The following WNT2 variants were observed in gnomAD, a reference collection of about 807,000 sequenced individuals.
The protein encoded by WNT2 is protein Wnt-2.
In WNT2, 12 loss-of-function variants were observed where a neutral mutation model predicts 36.9. The ratio of observed to expected loss-of-function variants is 0.33; its 90% CI spans 0.21 to 0.53. WNT2 has a LOEUF of 0.53. Ranked by LOEUF, WNT2 falls within the 20% of genes least tolerant of loss-of-function variation. The pLI is 0.95. For missense variants in WNT2, 379 were observed against 473.1 expected (o/e 0.80, Z 1.84); for synonymous variants, 163 against 174.6 (o/e 0.93, Z 0.52).
chr7:117,317,471 T>G (rs1316016885), intron 2 of WNT2, among the ~76,000 whole-genome samples: 2 of 151,496 alleles, frequency 1.3e-5, no homozygotes, highest in Non-Finnish European at 2.9e-5. Flanking sequence ...ATTGACTGGT[T>G]TTTCATTTTA....
intron 3 of WNT2, among the ~76,000 whole-genome samples, chr7:117,311,834 C>A (rs997408832): frequency 6.6e-6 from 1 of 152,174 alleles, no homozygotes; most frequent in African/African-American, 2.4e-5. Context: ...CCACAAAATG[C>A]CCTTCCATAC....
In WNT2 at chr7:117,287,996, G is replaced by GA. The variant is rs573073219; in HGVS notation, c.854-9613dup. On this transcript the variant is annotated intron_variant, in intron 4 of 4. Transcript: ENST00000265441. ...GAGCAAGACTCCGTCTCAGGGAAAA[G>GA]AAAAAAAAAAATTAAGATCAGCTTT... 9.6e-4 allele frequency among the ~76,000 whole-genome samples: 141 copies of GA among 146,466 alleles called. 1 individual carries two copies. Among genetic ancestry groups the GA allele is most frequent in the Middle Eastern group, 3.5e-3 (1 of 282 alleles).
At chr7:117,320,508 A>G in intron 2 of WNT2, 59 bp downstream of exon 2, 1 of 1,487,216 alleles carries the variant, frequency 6.7e-7, no homozygotes, top group Non-Finnish European at 9.3e-7. Flanking sequence ...TTGAAGATGG[A>G]GTGAGGGAGC....
intron 4 of WNT2, among the ~76,000 whole-genome samples, chr7:117,285,031 T>C (rs943675490): frequency 1.3e-5 from 2 of 152,220 alleles, no homozygotes; most frequent in African/African-American, 4.8e-5. Context: ...TTTATAACAT[T>C]ATGTGACCAG....
chr7:117,292,069 C>T (rs1387901337), intron 4 of WNT2, among the ~76,000 whole-genome samples: 1 of 152,140 alleles, frequency 6.6e-6, no homozygotes, highest in Non-Finnish European at 1.5e-5. Flanking sequence ...GAGCCACTGC[C>T]CCTGGCCAGC....
intron 3 of WNT2, among the ~76,000 whole-genome samples, chr7:117,314,791 A>G (rs1352366396): frequency 6.6e-6 from 1 of 152,228 alleles, no homozygotes; most frequent in African/African-American, 2.4e-5. Flanking sequence ...TGCTTAAATG[A>G]CAGTGTCCAG....
At chr7:117,297,519 G>C (rs1198704121) in intron 4 of WNT2, 93 bp downstream of exon 4, 5 of 1,455,026 alleles carry the variant, frequency 3.4e-6, no homozygotes, top group African/African-American at 1.4e-5. Flanking sequence ...TGAACCTAAA[G>C]AGAGCAGGCT....
At chr7:117,321,120 G>C (rs2116396208) in intron 1 of WNT2, among the ~76,000 whole-genome samples, 1 of 152,282 alleles carries the variant, frequency 6.6e-6, no homozygotes, top group South Asian at 2.1e-4. Flanking sequence ...CGGGTAAGAA[G>C]CAACGTGTCT....
At chr7:117,311,509 A>G (rs1369224253) in intron 3 of WNT2, among the ~76,000 whole-genome samples, 1 of 152,218 alleles carries the variant, frequency 6.6e-6, no homozygotes, top group Non-Finnish European at 1.5e-5. Flanking sequence ...AAGTAGAAAT[A>G]TGAATACTAT....
intron 3 of WNT2, among the ~76,000 whole-genome samples, chr7:117,312,664 C>T (rs1795142948): frequency 6.6e-6 from 1 of 152,146 alleles, no homozygotes; most frequent in African/African-American, 2.4e-5. Context: ...AAACTAGACT[C>T]AATCAAGGAT....
chr7:117,290,954 C>T (rs535994004), intron 4 of WNT2, among the ~76,000 whole-genome samples: 1 of 152,216 alleles, frequency 6.6e-6, no homozygotes, highest in African/African-American at 2.4e-5. Flanking sequence ...CCACCCATTG[C>T]TATTGGCTGA....
In WNT2 at chr7:117,277,921, C is replaced by T. The variant is rs1794408460; in HGVS notation, c.*234G>A. 1.8e-6 allele frequency: 1 copy of T among 556,692 alleles called. No homozygotes were observed. Among genetic ancestry groups the T allele is most frequent in the Non-Finnish European group, 3.2e-6 (1 of 311,804 alleles). The allele number at this position is 556,692 out of a possible 1,614,324, so 34.5% of individuals were successfully genotyped here. A position where few individuals can be genotyped will look rare whatever the true frequency, so the allele number is the denominator to read the frequency against. ...CATGCTATTTCCAAAGAGAACTCGC[C>T]AGGAGGGGAGATGACTGCAGAACAC... On this transcript the variant is annotated 3_prime_UTR_variant, in exon 5 of 5. Transcript: ENST00000265441.
chr7:117,302,887 CT>C (rs1794934732), intron 3 of WNT2, among the ~76,000 whole-genome samples: 1 of 152,152 alleles, frequency 6.6e-6, no homozygotes, highest in South Asian at 2.1e-4. Flanking sequence ...CTTTTACAAT[CT>C]GGCTACAGTT....
At chr7:117,292,207 T>C (rs1266050170) in intron 4 of WNT2, among the ~76,000 whole-genome samples, 1 of 151,916 alleles carries the variant, frequency 6.6e-6, no homozygotes, top group Non-Finnish European at 1.5e-5. Context: ...ACTTTTGACC[T>C]CCCCTCTTTG....
chr7:117,297,924 A>G (rs752167807), intron 3 of WNT2, 48 bp from the exon 4 acceptor site: 2 of 1,560,862 alleles, frequency 1.3e-6, no homozygotes, highest in Non-Finnish European at 1.7e-6. Context: ...AGCAGGTGAC[A>G]CATGCTCCAA....
chr7:117,293,609 G>C (rs1393485359), intron 4 of WNT2, among the ~76,000 whole-genome samples: 1 of 152,158 alleles, frequency 6.6e-6, no homozygotes, highest in African/African-American at 2.4e-5. Flanking sequence ...TTAATTACTT[G>C]ATTTAAATTT....
chr7:117,277,287 T>G lies in WNT2; in HGVS notation c.*868A>C, dbSNP rs1794397284. On this transcript the variant is annotated 3_prime_UTR_variant, in exon 5 of 5. Coordinates refer to ENST00000265441, the MANE Select transcript of WNT2 (RefSeq NM_003391.3). ...GATCTGTACAGATATACTTCTGATA[T>G]TCCATCCACTAAATTATTTTCCACC... is the stretch of plus-strand genomic sequence containing the variant. The G allele has an allele frequency of 6.6e-6, 1 of 152,238 alleles. No individual in the cohort carries two copies. The allele number at this position is 152,238 out of a possible 1,614,324, so 9.4% of individuals were successfully genotyped here.
intron 3 of WNT2, among the ~76,000 whole-genome samples, chr7:117,304,053 TC>T (rs1033715764): frequency 5.9e-5 from 9 of 152,354 alleles, no homozygotes; most frequent in African/African-American, 2.2e-4. Flanking sequence ...GATGTATTCC[TC>T]CTTTTTGCTG....
At position 117,278,358 on chromosome 7, in the gene WNT2, A is replaced by G. The variant is rs1358201208; in HGVS notation, c.880T>C (p.Cys294Arg). 1 of 1,614,022 alleles carries G rather than the reference A, an allele frequency of 6.2e-7. No individual in the cohort carries two copies. Among genetic ancestry groups the G allele is most frequent in the South Asian group, 1.1e-5 (1 of 91,042 alleles). Reference protein sequence around the residue: ...AGSLGTAGRVCNLTSRGMDSC... With the variant: ...AGSLGTAGRVRNLTSRGMDSC... ...TCCATGCCCCGGGAAGTCAGGTTGC[A>G]CACACGGCCTGCTGTACCCAGGGAG... is the stretch of plus-strand genomic sequence containing the variant. Residue 294 changes from cysteine to arginine, a missense_variant, in exon 5 of 5, where the codon TGC becomes CGC. By Grantham distance (180) the Cys-to-Arg change is radical. Transcript: ENST00000265441.
Sources: allele counts gnomAD v4.1 joint callset (sites outside exome capture counted in the v4.1 genomes callset), GRCh38; gene constraint gnomAD v4.1.1; transcripts MANE v1.5; gene names NCBI Gene and HGNC (gene_info 2026-07-23, HGNC 2026-07-21).